CENPK: variants seen among roughly 807,000 people sequenced by gnomAD.
CENPK encodes SoxLZ/Sox6-binding protein Solt.
In CENPK, 46 loss-of-function variants were observed where a neutral mutation model predicts 40.9. The observed-to-expected ratio is 1.13, with a 90% confidence interval of 0.89 to 1.44. The LOEUF (loss-of-function observed/expected upper bound fraction) is 1.44, where lower values mean the gene tolerates loss of function less well. Among genes scored for constraint, CENPK ranks in the 40% most tolerant of loss-of-function variants. CENPK has a pLI of 0.00. For missense variants in CENPK, 288 were observed against 303.5 expected (o/e 0.95, Z 0.38); for synonymous variants, 107 against 104.4 (o/e 1.02, Z -0.15).
At chr5:65,547,924 A>G (rs1455767111) in intron 5 of CENPK, among the ~76,000 whole-genome samples, 2 of 152,200 alleles carry the variant, frequency 1.3e-5, no homozygotes, top group Admixed American at 1.3e-4. Context: ...TCGGTCTCCC[A>G]AAGTGCTGGG....
intron 6 of CENPK, among the ~76,000 whole-genome samples, chr5:65,530,498 C>A (rs1745592678): frequency 6.6e-6 from 1 of 152,068 alleles, no homozygotes; most frequent in Admixed American, 6.5e-5. Flanking sequence ...GGCCAAGGGG[C>A]AGAAGTATGC....
At chr5:65,545,322 GCGCACACACACACACACACACACACACA>G (rs1217411888) in intron 5 of CENPK, among the ~76,000 whole-genome samples, 14 of 133,200 alleles carry the variant, frequency 1.1e-4, no homozygotes, top group East Asian at 4.2e-4. Flanking sequence ...TCCTCAAAGC[GCGCACACACACACACACACACACACACA>G]CACACACACA....
the CENPK span, among the ~76,000 whole-genome samples, chr5:65,506,025 C>T: frequency 6.6e-6 from 1 of 152,168 alleles, no homozygotes; most frequent in African/African-American, 2.4e-5. Context: ...AATATGGAAT[C>T]TGTAATTAAT....
At chr5:65,556,012 T>G in intron 2 of CENPK, among the ~76,000 whole-genome samples, 1 of 152,220 alleles carries the variant, frequency 6.6e-6, no homozygotes, top group East Asian at 1.9e-4. Flanking sequence ...AATCACAGAC[T>G]GCACATATAA....
chr5:65,559,788 G>T (rs1044720714), intron 2 of CENPK, among the ~76,000 whole-genome samples: 3 of 152,148 alleles, frequency 2.0e-5, no homozygotes, highest in Admixed American at 1.3e-4. Flanking sequence ...ACAATACAAA[G>T]CCTTTCTTGA....
rs376455824 is a variant in CENPK at position 65,521,493 on chromosome 5, T to C, written c.633A>G (p.Thr211=). ...NIQESSVNLI[T]LHEMLEILIN... The stretch of plus-strand genomic sequence containing the variant: ...CACTTACCTCTAACATTTCATGCAG[T>C]GTTATCAGGTTTACAGATGATTCTT... The change falls in exon 10 of 11, where the codon ACA becomes ACG. Residue 211 remains threonine, a synonymous_variant. Coordinates refer to ENST00000396679, the MANE Select transcript of CENPK (RefSeq NM_022145.5). The C allele has an allele frequency of 6.2e-7, 1 of 1,609,842 alleles. No individual in the cohort carries two copies. Among genetic ancestry groups the C allele is most frequent in the Non-Finnish European group, 8.5e-7 (1 of 1,177,388 alleles).
At chr5:65,495,887 TG>T in the CENPK span, among the ~76,000 whole-genome samples, 4 of 152,194 alleles carry the variant, frequency 2.6e-5, no homozygotes, top group African/African-American at 9.7e-5. Flanking sequence ...TTCCATTAAA[TG>T]GGCACTCTCA....
downstream of CENPK, among the ~76,000 whole-genome samples, chr5:65,516,910 C>A (rs1487627517): frequency 6.6e-6 from 1 of 152,042 alleles, no homozygotes; most frequent in Non-Finnish European, 1.5e-5. Context: ...TAGAAGAATA[C>A]AGTCTATTGG....
chr5:65,524,411 G>A (rs2150354321), intron 9 of CENPK, among the ~76,000 whole-genome samples: 1 of 150,580 alleles, frequency 6.6e-6, no homozygotes, highest in East Asian at 1.9e-4. Flanking sequence ...AAAACTCTGG[G>A]AGGCTGAGTC....
At chr5:65,511,469 A>C in the CENPK span, among the ~76,000 whole-genome samples, 1 of 152,192 alleles carries the variant, frequency 6.6e-6, no homozygotes, top group Non-Finnish European at 1.5e-5. Context: ...TGTCTTGCTA[A>C]GGGCTAATGC....
At chr5:65,533,076 T>C (rs958791047) in intron 6 of CENPK, among the ~76,000 whole-genome samples, 1 of 151,970 alleles carries the variant, frequency 6.6e-6, no homozygotes, top group Admixed American at 6.6e-5. Context: ...ATAAAAGACT[T>C]AGGCCAGGGG....
chr5:65,515,817 G>T (rs533150475), downstream of CENPK, among the ~76,000 whole-genome samples: 3 of 152,104 alleles, frequency 2.0e-5, no homozygotes, highest in Non-Finnish European at 4.4e-5. Flanking sequence ...GATGAGTATA[G>T]TTTCATATGT....
chr5:65,510,503 G>A, the CENPK span, among the ~76,000 whole-genome samples: 2 of 152,140 alleles, frequency 1.3e-5, no homozygotes, highest in East Asian at 1.9e-4. Context: ...GTCCGGGCAC[G>A]GTGGCTAACG....
chr5:65,517,003 C>T (rs1308622454), downstream of CENPK, among the ~76,000 whole-genome samples: 7 of 151,630 alleles, frequency 4.6e-5, no homozygotes, highest in African/African-American at 4.8e-5. Context: ...AGTGCAGTGG[C>T]GCAATCTTGG....
the CENPK span, among the ~76,000 whole-genome samples, chr5:65,497,954 G>A: frequency 0.021 from 3,161 of 152,182 alleles, 87 homozygotes; most frequent in African/African-American, 0.064. Flanking sequence ...ATATAGTGTG[G>A]AGTTTGTAAC....
chr5:65,549,464 T>A (rs529600692), intron 5 of CENPK, among the ~76,000 whole-genome samples: 14 of 152,356 alleles, frequency 9.2e-5, no homozygotes, highest in African/African-American at 3.1e-4. Flanking sequence ...GAGCCAGGCA[T>A]CAACTTCTCT....
In CENPK at chr5:65,539,809, G is replaced by A. The variant is rs145610654; in HGVS notation, c.288+2993C>T. On this transcript the variant is annotated intron_variant, in intron 6 of 10. Coordinates refer to ENST00000396679, the MANE Select transcript of CENPK (RefSeq NM_022145.5). ...CAGGTGGAACCAGCCATTTCCCCTGGCTTGCACTTTCTGCACCCTGGAGGA... is the reference window on the plus strand; with the variant it reads ...CAGGTGGAACCAGCCATTTCCCCTGACTTGCACTTTCTGCACCCTGGAGGA... Among the ~76,000 whole-genome samples the A allele has an allele frequency of 1.3e-3, 196 of 152,334 alleles. 2 individuals carry two copies. The highest frequency in any genetic ancestry group is 1.4e-3 in the East Asian group (7 of 5,176).
chr5:65,552,587 A>C, intron 3 of CENPK, 38 bp from the exon 4 acceptor site: 1 of 1,290,864 alleles, frequency 7.7e-7, no homozygotes, highest in Non-Finnish European at 1.1e-6. Context: ...GTCACACACG[A>C]TAATTCACAG....
At chr5:65,537,732 T>A (rs1747210738) in intron 6 of CENPK, among the ~76,000 whole-genome samples, 1 of 152,236 alleles carries the variant, frequency 6.6e-6, no homozygotes, top group African/African-American at 2.4e-5. Flanking sequence ...TATCCATATT[T>A]TAGCATGTAT....
Sources: allele counts gnomAD v4.1 joint callset (sites outside exome capture counted in the v4.1 genomes callset), GRCh38; gene constraint gnomAD v4.1.1; transcripts MANE v1.5; gene names NCBI Gene and HGNC (gene_info 2026-07-23, HGNC 2026-07-21).